MACROD2: variants seen among roughly 807,000 people sequenced by gnomAD.
MACROD2 encodes the protein ADP-ribose glycohydrolase MACROD2.
In MACROD2, 36 loss-of-function variants were observed where a neutral mutation model predicts 70.4. The observed-to-expected ratio is 0.51, with a 90% CI of 0.39 to 0.68. MACROD2 has a LOEUF of 0.68. Among genes scored for constraint, MACROD2 ranks in the 30% least tolerant of loss-of-function variants. The pLI, the probability that MACROD2 is intolerant of heterozygous loss-of-function variation, is 0.00. For synonymous variants in MACROD2, 172 were observed against 178.8 expected (o/e 0.96, Z 0.30); for missense variants, 496 against 538.4 (o/e 0.92, Z 0.78).
At chr20:14,135,915 C>T (rs576380891) in intron 3 of MACROD2, among the ~76,000 whole-genome samples, 1 of 152,134 alleles carries the variant, frequency 6.6e-6, no homozygotes, top group Non-Finnish European at 1.5e-5. Context: ...AATGCTTTCT[C>T]CCTTAGATTG....
intron 5 of MACROD2, among the ~76,000 whole-genome samples, chr20:15,111,515 C>T (rs2075955501): frequency 6.6e-6 from 1 of 152,082 alleles, no homozygotes; most frequent in African/African-American, 2.4e-5. Context: ...GTACTTAAAA[C>T]TTATTTAAAA....
intron 5 of MACROD2, among the ~76,000 whole-genome samples, chr20:15,154,100 AC>A (rs2076290373): frequency 6.6e-6 from 1 of 152,086 alleles, no homozygotes; most frequent in Non-Finnish European, 1.5e-5. Flanking sequence ...TCCTGCTTTT[AC>A]CTCTGGCCAT....
intron 3 of MACROD2, among the ~76,000 whole-genome samples, chr20:14,488,395 T>C (rs1444482921): frequency 1.3e-5 from 2 of 152,214 alleles, no homozygotes; most frequent in African/African-American, 4.8e-5. Flanking sequence ...GTGACTGGTA[T>C]GTAGCACATT....
At chr20:15,416,271 T>C (rs1270373391) in intron 6 of MACROD2, among the ~76,000 whole-genome samples, 1 of 152,144 alleles carries the variant, frequency 6.6e-6, no homozygotes, top group Non-Finnish European at 1.5e-5. Context: ...AATCAATTTC[T>C]TTCTCCTTTT....
intron 3 of MACROD2, among the ~76,000 whole-genome samples, chr20:14,402,661 T>C (rs907968432): frequency 6.6e-6 from 1 of 152,162 alleles, no homozygotes; most frequent in African/African-American, 2.4e-5. Flanking sequence ...GAGGTAATGC[T>C]CTAAGAAAAA....
intron 8 of MACROD2, among the ~76,000 whole-genome samples, chr20:15,780,926 C>T (rs1325932772): frequency 4.6e-5 from 7 of 152,122 alleles, no homozygotes; most frequent in Admixed American, 4.6e-4. Context: ...AGGGCATCAT[C>T]TATACCTTGA....
intron 10 of MACROD2, among the ~76,000 whole-genome samples, chr20:15,931,449 C>T (rs920314076): frequency 6.6e-6 from 1 of 151,882 alleles, no homozygotes; most frequent in East Asian, 1.9e-4. Flanking sequence ...CAAAACCAGC[C>T]TAGGCAACAA....
chr20:15,739,395 G>T (rs1415915884), intron 8 of MACROD2, among the ~76,000 whole-genome samples: 2 of 152,272 alleles, frequency 1.3e-5, no homozygotes, highest in South Asian at 2.1e-4. Flanking sequence ...TACCCAGAGA[G>T]AACACATTCT....
rs1035064095 is a variant in MACROD2 at position 14,267,929 on chromosome 20, G to A, written c.271+182201G>A. 9.2e-5 allele frequency among the ~76,000 whole-genome samples: 14 copies of A among 151,904 alleles called. No individual in the cohort carries two copies. The East Asian group carries it at 2.5e-3, about 27-fold the overall frequency. Reference sequence around the variant, plus strand: ...GCTTAAAGCCAGAAAAAAGAAATAGGATATCAATTTTTTATTATGGTAAAA... The same window carrying A: ...GCTTAAAGCCAGAAAAAAGAAATAGAATATCAATTTTTTATTATGGTAAAA... On this transcript the variant is annotated intron_variant, in intron 3 of 17. Coordinates refer to ENST00000684519, the MANE Select transcript of MACROD2 (RefSeq NM_001351661.2).
intron 8 of MACROD2, among the ~76,000 whole-genome samples, chr20:15,664,546 C>A (rs1600728850): frequency 6.6e-6 from 1 of 152,268 alleles, no homozygotes; most frequent in Non-Finnish European, 1.5e-5. Context: ...CTGGGGCTGG[C>A]TGGGGTTGGC....
intron 5 of MACROD2, among the ~76,000 whole-genome samples, chr20:14,823,261 A>G (rs572744931): frequency 6.6e-6 from 1 of 152,268 alleles, no homozygotes; most frequent in Non-Finnish European, 1.5e-5. Flanking sequence ...CCATTTAAAA[A>G]TTTTAAACTG....
intron 6 of MACROD2, among the ~76,000 whole-genome samples, chr20:15,388,146 T>C (rs1600336366): frequency 6.6e-6 from 1 of 151,678 alleles, no homozygotes; most frequent in East Asian, 2.0e-4. Context: ...AGTAAGCCAA[T>C]GAAGATGGGA....
At chr20:14,826,692 C>T (rs2072906464) in intron 5 of MACROD2, among the ~76,000 whole-genome samples, 1 of 152,090 alleles carries the variant, frequency 6.6e-6, no homozygotes, top group African/African-American at 2.4e-5. Flanking sequence ...CATGTATCCA[C>T]AATCAGCTGT....
At chr20:15,153,366 GC>G (rs2076285171) in intron 5 of MACROD2, among the ~76,000 whole-genome samples, 1 of 152,050 alleles carries the variant, frequency 6.6e-6, no homozygotes, top group Admixed American at 6.5e-5. Flanking sequence ...CAGTAGGGGA[GC>G]TTTTGAGCCA....
chr20:15,136,543 C>T (rs181689184), intron 5 of MACROD2, among the ~76,000 whole-genome samples: 87 of 152,300 alleles, frequency 5.7e-4, no homozygotes, highest in African/African-American at 1.8e-3. Flanking sequence ...CTTCTTTACA[C>T]CTTTTACAAA....
At chr20:15,648,549 G>A (rs2049588825) in intron 8 of MACROD2, among the ~76,000 whole-genome samples, 1 of 152,140 alleles carries the variant, frequency 6.6e-6, no homozygotes, top group African/African-American at 2.4e-5. Context: ...ACACATCTGA[G>A]AAATTCTGAA....
chr20:15,631,370 T>C (rs957196210), intron 8 of MACROD2, among the ~76,000 whole-genome samples: 3 of 152,228 alleles, frequency 2.0e-5, no homozygotes, highest in African/African-American at 7.2e-5. Context: ...TAATGATCTC[T>C]TTAATGAACG....
chr20:14,205,823 G>C (rs186866101), intron 3 of MACROD2, among the ~76,000 whole-genome samples: 1 of 152,236 alleles, frequency 6.6e-6, no homozygotes, highest in Non-Finnish European at 1.5e-5. Context: ...TTGCCTCTCT[G>C]CTATAGATCT....
intron 4 of MACROD2, among the ~76,000 whole-genome samples, chr20:14,511,223 A>AAG (rs1412264287): frequency 1.3e-5 from 2 of 152,090 alleles, no homozygotes; most frequent in Non-Finnish European, 2.9e-5. Flanking sequence ...TTTTTTGAGT[A>AAG]AGAAAACATG....
Sources: allele counts gnomAD v4.1 joint callset (sites outside exome capture counted in the v4.1 genomes callset), GRCh38; gene constraint gnomAD v4.1.1; transcripts MANE v1.5; gene names NCBI Gene and HGNC (gene_info 2026-07-23, HGNC 2026-07-21).